GLIS1: variants seen among roughly 807,000 people sequenced by gnomAD.
GLIS1 encodes zinc finger protein GLIS1.
A neutral mutation model predicts 63.8 loss-of-function variants in GLIS1; 24 were observed. The observed-to-expected ratio is 0.38, with a 90% confidence interval of 0.27 to 0.53. The LOEUF (loss-of-function observed/expected upper bound fraction) is 0.53. GLIS1 is among the 20% of genes least tolerant of loss of function. GLIS1 has a pLI of 0.85. For missense variants in GLIS1, 1,036 were observed against 1,074.1 expected (o/e 0.96, Z 0.50); for synonymous variants, 450 against 482.5 (o/e 0.93, Z 0.88).
chr1:53,705,441 C>T (rs1646568734), intron 2 of GLIS1, among the ~76,000 whole-genome samples: 1 of 152,200 alleles, frequency 6.6e-6, no homozygotes, highest in Non-Finnish European at 1.5e-5. Context: ...TTGCCAAAAG[C>T]AAACTTTTCC....
chr1:53,623,886 G>C (rs762177688), intron 2 of GLIS1, among the ~76,000 whole-genome samples: 12 of 152,130 alleles, frequency 7.9e-5, no homozygotes, highest in Non-Finnish European at 1.5e-4. Flanking sequence ...CTGCTACTGA[G>C]AGAAAGCAAA....
chr1:53,667,620 AT>A (rs1423746227), intron 2 of GLIS1, among the ~76,000 whole-genome samples: 1 of 151,350 alleles, frequency 6.6e-6, no homozygotes, highest in Non-Finnish European at 1.5e-5. Context: ...TACTGCTACA[AT>A]AAAACACCTA....
At chr1:53,550,032 G>T (rs1347344279) in intron 4 of GLIS1, among the ~76,000 whole-genome samples, 2 of 152,198 alleles carry the variant, frequency 1.3e-5, no homozygotes, top group East Asian at 3.8e-4. Flanking sequence ...GCCCCTTAAT[G>T]GGGACATGAC....
At chr1:53,568,449 G>A (rs1024640008) in intron 4 of GLIS1, among the ~76,000 whole-genome samples, 2 of 152,180 alleles carry the variant, frequency 1.3e-5, no homozygotes, top group Non-Finnish European at 2.9e-5. Flanking sequence ...TTGAGTTAAC[G>A]CTGGAATTAG....
chr1:53,732,893 G>A (rs1256693793), intron 2 of GLIS1, among the ~76,000 whole-genome samples: 6 of 151,920 alleles, frequency 3.9e-5, no homozygotes, highest in East Asian at 1.9e-4. Flanking sequence ...CTACCACATC[G>A]TGTTGAAAAC....
intron 8 of GLIS1, 89 bp downstream of exon 8, chr1:53,514,536 G>C (rs557081188): frequency 5.3e-6 from 7 of 1,322,196 alleles, no homozygotes; most frequent in Non-Finnish European, 7.4e-6. Flanking sequence ...GTAACAAGCA[G>C]ATAGATAGTG....
intron 2 of GLIS1, among the ~76,000 whole-genome samples, chr1:53,657,228 G>A (rs1361042484): frequency 2.0e-5 from 3 of 152,150 alleles, no homozygotes; most frequent in Non-Finnish European, 4.4e-5. Context: ...TATGTAATGG[G>A]TCAGTGGTTG....
chr1:53,663,958 G>A (rs998272479), intron 2 of GLIS1, among the ~76,000 whole-genome samples: 5 of 152,148 alleles, frequency 3.3e-5, no homozygotes, highest in Admixed American at 1.3e-4. Context: ...TCTATCCCAA[G>A]CCACCCCTCC....
chr1:53,577,336 T>C (rs1182652929), intron 4 of GLIS1, among the ~76,000 whole-genome samples: 1 of 152,120 alleles, frequency 6.6e-6, no homozygotes, highest in African/African-American at 2.4e-5. Flanking sequence ...GGCCAGAGGC[T>C]GGAGCCCTCA....
At chr1:53,604,779 G>T (rs1645352207) in intron 2 of GLIS1, among the ~76,000 whole-genome samples, 1 of 152,120 alleles carries the variant, frequency 6.6e-6, no homozygotes, top group African/African-American at 2.4e-5. Flanking sequence ...GCTTAGACTT[G>T]CCTGACTCAG....
intron 2 of GLIS1, among the ~76,000 whole-genome samples, chr1:53,662,196 G>A (rs1351726512): frequency 3.9e-5 from 6 of 152,200 alleles, no homozygotes; most frequent in African/African-American, 9.7e-5. Context: ...TTCATCTGTC[G>A]CAGGGGATGT....
intron 2 of GLIS1, among the ~76,000 whole-genome samples, chr1:53,664,258 C>T (rs1203701693): frequency 1.3e-5 from 2 of 152,174 alleles, no homozygotes; most frequent in Non-Finnish European, 2.9e-5. Flanking sequence ...CTGCTGGCCC[C>T]TAGCCTAGAG....
intron 2 of GLIS1, among the ~76,000 whole-genome samples, chr1:53,603,715 C>T (rs751197487): frequency 6.6e-6 from 1 of 152,226 alleles, no homozygotes; most frequent in Non-Finnish European, 1.5e-5. Context: ...GGTTGGCACC[C>T]GCAACCATGT....
chr1:53,703,207 T>C (rs1032752029), intron 2 of GLIS1, among the ~76,000 whole-genome samples: 4 of 152,236 alleles, frequency 2.6e-5, no homozygotes, highest in African/African-American at 9.6e-5. Context: ...AACCCCACTT[T>C]ATTTTCACCA....
chr1:53,577,622 C>T (rs1202641873), intron 4 of GLIS1, among the ~76,000 whole-genome samples: 3 of 152,222 alleles, frequency 2.0e-5, no homozygotes, highest in Non-Finnish European at 4.4e-5. Context: ...TGCCCTGCTA[C>T]AGCTGTGGCC....
chr1:53,514,610 G>A lies in GLIS1; in HGVS notation c.1883+15C>T, dbSNP rs1180802445. ...CCTTGTTGCCCCTGGAGGAGGACTG[G>A]CCTGGTGTACATACCCATCCCGGGT... On this transcript the variant is annotated intron_variant, in intron 8 of 10. Coordinates refer to ENST00000628545, the MANE Select transcript of GLIS1 (RefSeq NM_001367484.1). 4.3e-6 allele frequency: 7 copies of A among 1,611,446 alleles called. No individual in the cohort carries two copies. The highest frequency in any genetic ancestry group is 5.9e-6 in the Non-Finnish European group (7 of 1,178,984).
chr1:53,729,716 T>C (rs1173436302), intron 2 of GLIS1, among the ~76,000 whole-genome samples: 1 of 152,214 alleles, frequency 6.6e-6, no homozygotes, highest in African/African-American at 2.4e-5. Context: ...TTCTTCGAGA[T>C]ACTTGAAACT....
At position 53,511,720 on chromosome 1, in the gene GLIS1, C is replaced by T. The variant is rs911245792; in HGVS notation, c.1884-1693G>A. On this transcript the variant is annotated intron_variant, in intron 8 of 10. Coordinates refer to ENST00000628545, the MANE Select transcript of GLIS1 (RefSeq NM_001367484.1). The surrounding 1 kb of genome is among the most constrained non-coding windows in gnomAD (Gnocchi z 4.2). ...GCGTCTTCCTCTATGCACTAGAAAC[C>T]GTGGACAGCTGTGCACGAGCTGTGT... Among the ~76,000 whole-genome samples the T allele has an allele frequency of 7.9e-5, 12 of 152,268 alleles. No homozygotes were observed. The highest frequency in any genetic ancestry group is 6.2e-4 in the South Asian group (3 of 4,820).
At chr1:53,594,009 C>T in intron 4 of GLIS1, 99 bp downstream of exon 4, 3 of 1,371,134 alleles carry the variant, frequency 2.2e-6, no homozygotes, top group Admixed American at 2.5e-5. Flanking sequence ...TCAGCCAGCC[C>T]AGAGGACGGA....
Sources: allele counts gnomAD v4.1 joint callset (sites outside exome capture counted in the v4.1 genomes callset), GRCh38; gene constraint gnomAD v4.1.1; non-coding constraint Gnocchi (gnomAD v3.1); transcripts MANE v1.5; gene names NCBI Gene and HGNC (gene_info 2026-07-23, HGNC 2026-07-21).